Variants in NAB1 observed in about 807,000 individuals in gnomAD.
NAB1 encodes the protein NGFI-A-binding protein 1.
Under a neutral mutation model 49.9 loss-of-function variants are expected in NAB1, and 25 were observed. The ratio of observed to expected loss-of-function variants is 0.50; its 90% CI spans 0.37 to 0.70. The LOEUF (loss-of-function observed/expected upper bound fraction) is 0.70. Among genes scored for constraint, NAB1 ranks in the 30% least tolerant of loss-of-function variants. NAB1 has a pLI of 0.00. For missense variants in NAB1, 489 were observed against 575.9 expected (o/e 0.85, Z 1.54); for synonymous variants, 198 against 215.6 (o/e 0.92, Z 0.71).
At position 190,679,855 on chromosome 2, in the gene NAB1, A is replaced by G. The variant is rs1362997507; in HGVS notation, c.1006-3883A>G. Among the ~76,000 whole-genome samples the G allele has an allele frequency of 6.6e-6, 1 of 151,968 alleles. No homozygotes were observed. Among genetic ancestry groups the G allele is most frequent in the Non-Finnish European group, 1.5e-5 (1 of 67,962 alleles). On this transcript the variant is annotated intron_variant, in intron 6 of 9. Coordinates refer to ENST00000337386, the MANE Select transcript of NAB1 (RefSeq NM_005966.4). The surrounding 1 kb of genome is among the most constrained non-coding windows in gnomAD (Gnocchi z 5.3). ...CTCAGATTCTGCTGATGAACTGATA[A>G]CCCTCTAATCTGGGTCTCCAGCCTT...
In NAB1 at chr2:190,667,749, A is replaced by G. The variant is rs527610265; in HGVS notation, c.820-2577A>G. 6.6e-6 allele frequency among the ~76,000 whole-genome samples: 1 copy of G among 152,292 alleles called. No homozygotes were observed. The highest frequency in any genetic ancestry group is 2.1e-4 in the South Asian group (1 of 4,830). On this transcript the variant is annotated intron_variant, in intron 4 of 9. Transcript: ENST00000337386. This position sits in a 1 kb window ranked among gnomAD's most constrained non-coding sequence, Gnocchi z 4.4. ...GGATGTTAAATATCTATATCATACC[A>G]TGTACCATAACACATTCTAGATGGT...
rs140537913 is a variant in NAB1, at chr2:190,659,485, A to T, written c.309A>T (p.Ser103=). The change falls in exon 4 of 10, where the codon TCA becomes TCT. Residue 103 remains serine (S), a synonymous_variant. Transcript: ENST00000337386. The surrounding 1 kb of genome is among the most constrained non-coding windows in gnomAD (Gnocchi z 6.2). ...SIPIYKLPEG[S]PTWLGISCSS... ...CCATCTATAAATTACCAGAGGGATC[A>T]CCAACATGGCTGGGAATATCCTGCA... The T allele has an allele frequency of 9.6e-4, 1,545 of 1,614,206 alleles. 4 individuals carry two copies. Among genetic ancestry groups the T allele is most frequent in the Middle Eastern group, 6.3e-3 (38 of 6,062 alleles).
Position 190,652,701 on chromosome 2 carries a change from T to C in NAB1, c.-197+2719T>C, listed in dbSNP as rs183034425. Among the ~76,000 whole-genome samples the C allele has an allele frequency of 2.0e-5, 3 of 152,346 alleles. No individual in the cohort carries two copies. Among genetic ancestry groups the C allele is most frequent in the East Asian group, 3.9e-4 (2 of 5,188 alleles). ...TAAGATCCAGAAGTATCTTGACTTA[T>C]ATGGTACACCACTGAATGCTTACTA... On this transcript the variant is annotated intron_variant, in intron 2 of 9. Transcript: ENST00000337386. This position sits in a 1 kb window ranked among gnomAD's most constrained non-coding sequence, Gnocchi z 4.2.
rs1395720527 is a variant in NAB1, at chr2:190,649,718, C to A, written c.-333-128C>A. On this transcript the variant is annotated intron_variant, in intron 1 of 9. Transcript: ENST00000337386. This position sits in a 1 kb window ranked among gnomAD's most constrained non-coding sequence, Gnocchi z 6.1. ...CGATGTGGGTTGTGCGCGCCGGCCC[C>A]AGAGTTTTGCAGCCACCTTCGTCAG... 1 of 152,420 alleles carries A rather than the reference C, an allele frequency of 6.6e-6. No individual in the cohort carries two copies. Among genetic ancestry groups the A allele is most frequent in the Admixed American group, 6.5e-5 (1 of 15,296 alleles). 9.4% of individuals were successfully genotyped at this position (152,420 alleles called of 1,614,324 possible). A position where few individuals can be genotyped will look rare whatever the true frequency, so the allele number is the denominator to read the frequency against.
At chr2:190,658,405 A>G (rs1694040200) in intron 3 of NAB1, among the ~76,000 whole-genome samples, 1 of 152,116 alleles carries the variant, frequency 6.6e-6, no homozygotes, top group South Asian at 2.1e-4. Context: ...CTCAGATGTA[A>G]TCTCGTAGTC....
At chr2:190,650,226 T>C (rs1454241375) in intron 2 of NAB1, among the ~76,000 whole-genome samples, 1 of 152,210 alleles carries the variant, frequency 6.6e-6, no homozygotes, top group Non-Finnish European at 1.5e-5. Context: ...CCTCGCTCCC[T>C]GAGATTCGGG....
chr2:190,671,765 T>G (rs564083535), intron 5 of NAB1, among the ~76,000 whole-genome samples: 29 of 142,342 alleles, frequency 2.0e-4, no homozygotes, highest in African/African-American at 7.6e-4. Context: ...TACCTTCACC[T>G]TTCCTTTTTT....
In NAB1 at chr2:190,649,104, C is replaced by T. The variant is rs1398356197; in HGVS notation, c.-590C>T. The T allele has an allele frequency of 1.0e-4, 13 of 128,112 alleles. No homozygotes were observed. In the East Asian group the frequency reaches 3.0e-3, roughly 30 times the overall value. The allele number at this position is 128,112 out of a possible 1,614,324, so 7.9% of individuals were successfully genotyped here. A position where few individuals can be genotyped will look rare whatever the true frequency, so the allele number is the denominator to read the frequency against. On this transcript the variant is annotated 5_prime_UTR_variant, in exon 1 of 10. Transcript: ENST00000337386. The surrounding 1 kb of genome is among the most constrained non-coding windows in gnomAD (Gnocchi z 6.1). ...CGCCGCCGCCGCCGCCCGCGCGCCG[C>T]AGCCTGGAGGAGCCGCCGCCGCCGC...
At chr2:190,688,975 A>C (rs1192599283) in intron 9 of NAB1, among the ~76,000 whole-genome samples, 1 of 151,874 alleles carries the variant, frequency 6.6e-6, no homozygotes, top group Non-Finnish European at 1.5e-5. Context: ...AGTAGCTAGG[A>C]CTACAAGTGC....
At position 190,666,124 on chromosome 2, in the gene NAB1, A is replaced by G. The variant is rs1418712796; in HGVS notation, c.820-4202A>G. Among the ~76,000 whole-genome samples the G allele has an allele frequency of 2.6e-5, 4 of 151,608 alleles. No homozygotes were observed. The highest frequency in any genetic ancestry group is 2.6e-4 in the Admixed American group (4 of 15,222). On this transcript the variant is annotated intron_variant, in intron 4 of 9. Coordinates refer to ENST00000337386, the MANE Select transcript of NAB1 (RefSeq NM_005966.4). The surrounding 1 kb of genome is among the most constrained non-coding windows in gnomAD (Gnocchi z 5.6). ...GCATTTAAAAGATGATCCCCTCCCT[A>G]TTTTATTTAACATTTTTAGTTTTTT...
In NAB1 at chr2:190,657,171, A is replaced by G. The variant is rs956301273; in HGVS notation, c.-20+1018A>G. ...CTTCTATTTGGTATAGTGTAGTTTA[A>G]TATAGCTCTAAACTTGGGTCTGTAA... is the stretch of plus-strand genomic sequence containing the variant. On this transcript the variant is annotated intron_variant, in intron 3 of 9. Transcript: ENST00000337386. The surrounding 1 kb of genome is among the most constrained non-coding windows in gnomAD (Gnocchi z 4.4). 7.9e-5 allele frequency among the ~76,000 whole-genome samples: 12 copies of G among 152,170 alleles called. No homozygotes were observed. Among genetic ancestry groups the G allele is most frequent in the Non-Finnish European group, 1.6e-4 (11 of 68,034 alleles).
In NAB1 at chr2:190,666,166, A is replaced by G. The variant is rs957608571; in HGVS notation, c.820-4160A>G. Among the ~76,000 whole-genome samples the G allele has an allele frequency of 6.6e-6, 1 of 151,914 alleles. No homozygotes were observed. The highest frequency in any genetic ancestry group is 1.5e-5 in the Non-Finnish European group (1 of 67,978). On this transcript the variant is annotated intron_variant, in intron 4 of 9. Coordinates refer to ENST00000337386, the MANE Select transcript of NAB1 (RefSeq NM_005966.4). This position sits in a 1 kb window ranked among gnomAD's most constrained non-coding sequence, Gnocchi z 5.6. ...TAGTTTTTTTTTTCTGAGAGGGGCC[A>G]GTAATGGTACCTAGCCCTCCCAGTG...
At chr2:190,672,495 A>G (rs903563806) in intron 5 of NAB1, among the ~76,000 whole-genome samples, 8 of 152,148 alleles carry the variant, frequency 5.3e-5, no homozygotes, top group African/African-American at 1.9e-4. Context: ...CAGCAGAGAA[A>G]TTGCTGGGTC....
chr2:190,692,531 A>G lies in NAB1; in HGVS notation c.*2198A>G, dbSNP rs1291833471. ...ATATATATTTTTATTTGAATTGTAT[A>G]TGTGAATTGGAAGTTATAATTAGTT... On this transcript the variant is annotated 3_prime_UTR_variant, in exon 10 of 10. Transcript: ENST00000337386. The surrounding 1 kb of genome is among the most constrained non-coding windows in gnomAD (Gnocchi z 5.2). The G allele has an allele frequency of 6.6e-6, 1 of 152,658 alleles. No homozygotes were observed. The highest frequency in any genetic ancestry group is 2.4e-5 in the African/African-American group (1 of 41,462). The allele number at this position is 152,658 out of a possible 1,614,324, so 9.5% of individuals were successfully genotyped here. A position where few individuals can be genotyped will look rare whatever the true frequency, so the allele number is the denominator to read the frequency against.
Position 190,669,186 on chromosome 2 carries a change from T to G in NAB1, c.820-1140T>G, listed in dbSNP as rs1694676988. ...GAGACAGAGTGAGATGGCACACAGT[T>G]TAAAACTTATGAATTGTTTATTTGT... On this transcript the variant is annotated intron_variant, in intron 4 of 9. Coordinates refer to ENST00000337386, the MANE Select transcript of NAB1 (RefSeq NM_005966.4). This position sits in a 1 kb window ranked among gnomAD's most constrained non-coding sequence, Gnocchi z 4.3. Among the ~76,000 whole-genome samples, 1 of 152,236 alleles carries G rather than the reference T, an allele frequency of 6.6e-6. No individual in the cohort carries two copies. The highest frequency in any genetic ancestry group is 6.5e-5 in the Admixed American group (1 of 15,286).
In NAB1 at chr2:190,685,597, A is replaced by C; in HGVS notation, c.1217A>C (p.His406Pro). Residue 406 changes from histidine (H) to proline (P), a missense_variant, in exon 8 of 10, where the codon CAC becomes CCC. Physicochemically the swap from His to Pro is moderately conservative, Grantham distance 77 (BLOSUM62 -2). Transcript: ENST00000337386. This position sits in a 1 kb window ranked among gnomAD's most constrained non-coding sequence, Gnocchi z 4.5. ...AGLYRQSSEEHSPNGLTSDNS... is the reference protein window; with the variant it reads ...AGLYRQSSEEPSPNGLTSDNS... The stretch of plus-strand genomic sequence containing the variant: ...CTTTACAGGCAGAGCTCAGAAGAGC[A>C]CAGTCCTAACGGCTTGACTTCCGAT... 6.2e-7 allele frequency: 1 copy of C among 1,613,882 alleles called. No homozygotes were observed. Among genetic ancestry groups the C allele is most frequent in the African/African-American group, 1.3e-5 (1 of 75,058 alleles).
At chr2:190,671,306 T>C (rs565426444) in intron 5 of NAB1, among the ~76,000 whole-genome samples, 15 of 152,316 alleles carry the variant, frequency 9.8e-5, no homozygotes, top group African/African-American at 3.6e-4. Flanking sequence ...TTCTTGTGCA[T>C]CCTAAGTTTG....
In NAB1 at chr2:190,659,906, C is replaced by T. The variant is rs751648275; in HGVS notation, c.730C>T (p.His244Tyr). 6.2e-7 allele frequency: 1 copy of T among 1,614,212 alleles called. No homozygotes were observed. Among genetic ancestry groups the T allele is most frequent in the Non-Finnish European group, 8.5e-7 (1 of 1,180,040 alleles). ...HIFEMNDDDP[H>Y]KEEEIRKYSA... is the part of the protein sequence containing the mutation. ...CTTTGAGATGAACGATGATGATCCA[C>T]ACAAAGAGGAGGAAATTCGGAAATA... The change falls in exon 4 of 10, where the codon CAC becomes TAC. Residue 244 changes from histidine (H) to tyrosine (Y), a missense_variant. By Grantham distance (83) the His-to-Tyr change is moderately conservative. This residue lies in a region of NAB1 where 204 missense variants were observed against 220.9 expected (regional missense o/e 0.92). Transcript: ENST00000337386. The surrounding 1 kb of genome is among the most constrained non-coding windows in gnomAD (Gnocchi z 6.2).
Position 190,649,983 on chromosome 2 carries a change from G to T in NAB1, c.-197+1G>T, listed in dbSNP as rs1693574640. 1 of 151,794 alleles carries T rather than the reference G, an allele frequency of 6.6e-6. No homozygotes were observed. The highest frequency in any genetic ancestry group is 2.4e-5 in the African/African-American group (1 of 41,314). The allele number at this position is 151,794 out of a possible 1,614,324, so 9.4% of individuals were successfully genotyped here. On this transcript the variant is annotated splice_donor_variant, in intron 2 of 9. Coordinates refer to ENST00000337386, the MANE Select transcript of NAB1 (RefSeq NM_005966.4). LOFTEE classifies it low-confidence loss of function (5UTR_SPLICE). This position sits in a 1 kb window ranked among gnomAD's most constrained non-coding sequence, Gnocchi z 6.1. The stretch of plus-strand genomic sequence containing the variant: ...GGACATACAAGCGTTGGATATAGAG[G>T]TGTGTGTGTGTGACCTTATCATGGA...
Sources: allele counts gnomAD v4.1 joint callset (sites outside exome capture counted in the v4.1 genomes callset), GRCh38; gene constraint gnomAD v4.1.1; regional missense constraint gnomAD v4.1.1; non-coding constraint Gnocchi (gnomAD v3.1); transcripts MANE v1.5; gene names NCBI Gene and HGNC (gene_info 2026-07-23, HGNC 2026-07-21).